CSMD1: variants seen among roughly 807,000 people sequenced by gnomAD.
CSMD1 encodes CUB and sushi domain-containing protein 1.
A neutral mutation model predicts 417.5 loss-of-function variants in CSMD1; 213 were observed. The observed-to-expected ratio is 0.51, with a 90% CI of 0.46 to 0.57. CSMD1 has a LOEUF of 0.57. Ranked by LOEUF, CSMD1 falls within the 20% of genes least tolerant of loss-of-function variation. CSMD1 has a pLI of 0.00. For missense variants in CSMD1, 6,923 were observed against 4,529.7 expected, an observed-to-expected ratio of 1.53 and a Z score of -15.17; for synonymous variants, 2,862 against 1,736.8, an observed-to-expected ratio of 1.65 and a Z score of -16.11.
chr8:2,945,968 G>A (rs897781840), intron 68 of CSMD1, among the ~76,000 whole-genome samples: 1 of 152,144 alleles, frequency 6.6e-6, no homozygotes, highest in African/African-American at 2.4e-5. Flanking sequence ...ACTTCATGTT[G>A]GGGATACATT....
intron 3 of CSMD1, among the ~76,000 whole-genome samples, chr8:4,344,215 C>CACAAG (rs1800647051): frequency 6.6e-6 from 1 of 152,064 alleles, no homozygotes; most frequent in Non-Finnish European, 1.5e-5. Flanking sequence ...TGGAGACTTT[C>CACAAG]CTCTGTTTTC....
chr8:4,947,119 T>A (rs1031427893), intron 1 of CSMD1, among the ~76,000 whole-genome samples: 8 of 152,172 alleles, frequency 5.3e-5, no homozygotes, highest in Non-Finnish European at 1.0e-4. Context: ...ACTACTTGTA[T>A]CCATCTGTGC....
chr8:4,660,746 C>A (rs1804541325), intron 1 of CSMD1, among the ~76,000 whole-genome samples: 1 of 151,972 alleles, frequency 6.6e-6, no homozygotes, highest in Admixed American at 6.6e-5. Flanking sequence ...ACTAACATCT[C>A]TAATCTATAA....
At chr8:4,133,002 C>T (rs1053965058) in intron 3 of CSMD1, among the ~76,000 whole-genome samples, 14 of 152,242 alleles carry the variant, frequency 9.2e-5, no homozygotes, top group Non-Finnish European at 1.0e-4. Flanking sequence ...GGCGCGATCT[C>T]GGCTCACTGC....
At chr8:4,317,000 C>G (rs77639134) in intron 3 of CSMD1, among the ~76,000 whole-genome samples, 3 of 152,040 alleles carry the variant, frequency 2.0e-5, no homozygotes, top group Admixed American at 1.3e-4. Flanking sequence ...ATTGAGCATG[C>G]CAATACACTG....
intron 7 of CSMD1, among the ~76,000 whole-genome samples, chr8:3,642,494 C>T (rs985680148): frequency 6.6e-6 from 1 of 152,158 alleles, no homozygotes; most frequent in Admixed American, 6.5e-5. Context: ...AACACAAATC[C>T]TCTCTGGAGA....
At chr8:4,648,234 A>G (rs537994455) in intron 1 of CSMD1, among the ~76,000 whole-genome samples, 1 of 152,258 alleles carries the variant, frequency 6.6e-6, no homozygotes, top group South Asian at 2.1e-4. Flanking sequence ...GTGTCTGTTC[A>G]TATCCTTTGC....
intron 2 of CSMD1, among the ~76,000 whole-genome samples, chr8:4,519,248 T>C (rs578144882): frequency 6.6e-6 from 1 of 152,106 alleles, no homozygotes. Context: ...GCATACTCAA[T>C]GCTGGCCTGG....
At chr8:4,902,354 T>G (rs1473114592) in intron 1 of CSMD1, among the ~76,000 whole-genome samples, 1 of 151,860 alleles carries the variant, frequency 6.6e-6, no homozygotes, top group Non-Finnish European at 1.5e-5. Context: ...GAAGGATTGA[T>G]TGAGCCCAGG....
At chr8:4,938,849 G>A (rs552144283) in intron 1 of CSMD1, among the ~76,000 whole-genome samples, 2 of 152,268 alleles carry the variant, frequency 1.3e-5, no homozygotes, top group African/African-American at 4.8e-5. Context: ...CAGGTGTAAC[G>A]TGATGTTACT....
rs1300883566 is a variant in CSMD1, at chr8:4,201,899, G to A, written c.416-169800C>T. The stretch of plus-strand genomic sequence containing the variant: ...TACATGGAAATTTTGGGGGGGGGGG[G>A]CGCTGCATTCATTTGCCATGCTCAA... On this transcript the variant is annotated intron_variant, in intron 3 of 69. Transcript: ENST00000635120. Among the ~76,000 whole-genome samples the A allele has an allele frequency of 3.8e-5, 5 of 132,022 alleles. 1 individual carries two copies. The highest frequency in any genetic ancestry group is 1.5e-4 in the Admixed American group (2 of 13,188). The allele number at this position is 132,022 out of a possible 152,430, so 86.6% of individuals were successfully genotyped here. A position where few individuals can be genotyped will look rare whatever the true frequency, so the allele number is the denominator to read the frequency against.
chr8:4,038,693 G>C (rs566614121), intron 3 of CSMD1, among the ~76,000 whole-genome samples: 1 of 152,120 alleles, frequency 6.6e-6, no homozygotes, highest in Admixed American at 6.6e-5. Flanking sequence ...CCTTCCCATA[G>C]ATGCTTCAAG....
At chr8:3,415,551 G>A (rs890974380) in intron 12 of CSMD1, among the ~76,000 whole-genome samples, 9 of 152,150 alleles carry the variant, frequency 5.9e-5, no homozygotes, top group African/African-American at 2.2e-4. Flanking sequence ...CAGCGATGGA[G>A]TTTCACCATG....
chr8:4,601,301 C>T (rs1176642244), intron 2 of CSMD1, among the ~76,000 whole-genome samples: 1 of 152,138 alleles, frequency 6.6e-6, no homozygotes, highest in Non-Finnish European at 1.5e-5. Flanking sequence ...AGTAGAGTGA[C>T]AGCGAAGCAA....
At chr8:3,380,624 T>G (rs1003938774) in intron 18 of CSMD1, among the ~76,000 whole-genome samples, 1 of 152,104 alleles carries the variant, frequency 6.6e-6, no homozygotes, top group East Asian at 1.9e-4. Context: ...TCACTGTCGG[T>G]AGACTAACAT....
intron 6 of CSMD1, among the ~76,000 whole-genome samples, chr8:3,729,940 AAAAAAAAAAAAAAAAAAAAAAC>A (rs1323198138): frequency 0.34 from 27,656 of 80,926 alleles, 6,286 homozygotes; most frequent in South Asian, 0.48. Context: ...AAAAAAAAAA[AAAAAAAAAAAAAAAAAAAAAAC>A]AAAAACAGAA....
intron 3 of CSMD1, among the ~76,000 whole-genome samples, chr8:4,227,879 T>G (rs1045536995): frequency 2.0e-5 from 3 of 149,862 alleles, no homozygotes; most frequent in African/African-American, 7.4e-5. Context: ...CATCCTACAT[T>G]CAACCCCACA....
intron 12 of CSMD1, among the ~76,000 whole-genome samples, chr8:3,411,297 A>G (rs144040693): frequency 9.7e-4 from 148 of 152,256 alleles, no homozygotes; most frequent in Middle Eastern, 3.4e-3. Flanking sequence ...GCACTTTATT[A>G]TCTTGCAGGG....
At chr8:4,026,263 T>C (rs1489695316) in intron 4 of CSMD1, among the ~76,000 whole-genome samples, 1 of 152,210 alleles carries the variant, frequency 6.6e-6, no homozygotes, top group East Asian at 1.9e-4. Context: ...AAATAACATG[T>C]AATGGAACGC....
Sources: allele counts gnomAD v4.1 joint callset (sites outside exome capture counted in the v4.1 genomes callset), GRCh38; gene constraint gnomAD v4.1.1; transcripts MANE v1.5; gene names NCBI Gene and HGNC (gene_info 2026-07-23, HGNC 2026-07-21).